The following LRFN5 variants were observed in gnomAD, a reference collection of about 807,000 sequenced individuals.
LRFN5 encodes leucine rich repeat and fibronectin type III domain containing 5, also known as leucine-rich repeat and fibronectin type-III domain-containing protein 5.
In LRFN5, 24 loss-of-function variants were observed where a neutral mutation model predicts 45.6. The ratio of observed to expected loss-of-function variants is 0.53; its 90% CI spans 0.38 to 0.74. The LOEUF (loss-of-function observed/expected upper bound fraction) is 0.74. LRFN5 is among the 30% of genes least tolerant of loss of function. The pLI is 0.00. For missense variants in LRFN5, 776 were observed against 861.5 expected, an observed-to-expected ratio of 0.90 and a Z score of 1.24; for synonymous variants, 340 against 313.8, an observed-to-expected ratio of 1.08 and a Z score of -0.88.
intron 1 of LRFN5, among the ~76,000 whole-genome samples, chr14:41,675,552 A>G (rs1179716621): frequency 6.6e-6 from 1 of 152,178 alleles, no homozygotes; most frequent in Non-Finnish European, 1.5e-5. Flanking sequence ...AGATGGCAGC[A>G]GTACAGTCCA....
intron 1 of LRFN5, among the ~76,000 whole-genome samples, chr14:41,724,574 T>G (rs962718323): frequency 6.6e-6 from 1 of 152,172 alleles, no homozygotes; most frequent in Non-Finnish European, 1.5e-5. Context: ...TAATTAAAAC[T>G]ACAAGGCCAT....
chr14:41,744,319 T>C (rs1194626044), intron 1 of LRFN5, among the ~76,000 whole-genome samples: 7 of 152,078 alleles, frequency 4.6e-5, no homozygotes, highest in Admixed American at 3.9e-4. Flanking sequence ...ATCGTGCCAC[T>C]TCACTCCCAG....
At position 41,886,660 on chromosome 14, in the gene LRFN5, G is replaced by A. The variant is rs773088224; in HGVS notation, c.35G>A (p.Gly12Asp). 11 of 1,600,906 alleles carry A rather than the reference G, an allele frequency of 6.9e-6. No homozygotes were observed. The highest frequency in any genetic ancestry group is 9.3e-6 in the Non-Finnish European group (11 of 1,176,494). The change falls in exon 3 of 6, where the codon GGC becomes GAC. Residue 12 changes from glycine (G) to aspartate (D), a missense_variant. Transcript: ENST00000298119. ...ATTCTTTTTTATCTGTTTCTCATTG[G>A]CATAGCAGTGAAAGCTCAGATCTGT... The part of the protein sequence containing the change: ...EKILFYLFLI[G>D]IAVKAQICPK...
At chr14:41,876,046 C>T (rs1461287919) in intron 2 of LRFN5, among the ~76,000 whole-genome samples, 1 of 152,150 alleles carries the variant, frequency 6.6e-6, no homozygotes, top group Non-Finnish European at 1.5e-5. Context: ...ATATCCCCCT[C>T]TGTAACCTAG....
At chr14:41,714,820 G>T (rs905158753) in intron 1 of LRFN5, among the ~76,000 whole-genome samples, 2 of 152,096 alleles carry the variant, frequency 1.3e-5, no homozygotes, top group Admixed American at 6.6e-5. Flanking sequence ...CAGGAGTGTT[G>T]CTTAAGCATA....
chr14:41,735,534 C>T (rs914668218), intron 1 of LRFN5, among the ~76,000 whole-genome samples: 1 of 152,106 alleles, frequency 6.6e-6, no homozygotes, highest in Non-Finnish European at 1.5e-5. Context: ...AGCCCCCCCA[C>T]GTGCTGGGAT....
intron 1 of LRFN5, among the ~76,000 whole-genome samples, chr14:41,651,746 T>C (rs114286816): frequency 1.0e-3 from 156 of 152,336 alleles, no homozygotes; most frequent in African/African-American, 3.5e-3. Flanking sequence ...TATTCTCAGC[T>C]ATTTTCATTT....
intron 1 of LRFN5, among the ~76,000 whole-genome samples, chr14:41,762,514 T>A (rs1425909536): frequency 2.0e-5 from 3 of 152,114 alleles, no homozygotes; most frequent in Non-Finnish European, 4.4e-5. Flanking sequence ...ACTTTTAAAG[T>A]AGGTTTAGCA....
At chr14:41,888,104 T>TC in intron 3 of LRFN5, 94 bp downstream of exon 3, 1 of 946,560 alleles carries the variant, frequency 1.1e-6, no homozygotes, top group South Asian at 1.7e-5. Context: ...GCAGTGCTGT[T>TC]CTGTGTTGTA....
chr14:41,608,928 A>G (rs958705259), intron 1 of LRFN5, among the ~76,000 whole-genome samples: 1 of 152,172 alleles, frequency 6.6e-6, no homozygotes, highest in Non-Finnish European at 1.5e-5. Context: ...CAGATTGTGA[A>G]GTGTGAGTGG....
intron 4 of LRFN5, 67 bp from the exon 5 acceptor site, chr14:41,898,850 G>A (rs939308444): frequency 1.5e-6 from 2 of 1,376,658 alleles, no homozygotes; most frequent in Non-Finnish European, 2.0e-6. Flanking sequence ...ATTTCAGTAA[G>A]AGGTTTTTTG....
chr14:41,793,139 A>T (rs1311206359), intron 2 of LRFN5, among the ~76,000 whole-genome samples: 4 of 151,902 alleles, frequency 2.6e-5, no homozygotes, highest in Non-Finnish European at 5.9e-5. Flanking sequence ...CCTAAAACTT[A>T]AAGTATAATT....
chr14:41,677,427 A>G (rs2138677171), intron 1 of LRFN5, among the ~76,000 whole-genome samples: 1 of 152,268 alleles, frequency 6.6e-6, no homozygotes, highest in South Asian at 2.1e-4. Flanking sequence ...TGGAATTAGT[A>G]AATAAACATA....
At chr14:41,664,293 C>G (rs1488650814) in intron 1 of LRFN5, among the ~76,000 whole-genome samples, 1 of 151,808 alleles carries the variant, frequency 6.6e-6, no homozygotes, top group Admixed American at 6.6e-5. Flanking sequence ...TCTACTACTT[C>G]CCTAGTTATA....
intron 2 of LRFN5, among the ~76,000 whole-genome samples, chr14:41,823,484 A>C (rs1041316421): frequency 6.6e-6 from 1 of 151,974 alleles, no homozygotes. Flanking sequence ...ATTTCTTCAG[A>C]TTTGTAAGGT....
At chr14:41,773,878 C>T (rs1446416372) in intron 2 of LRFN5, among the ~76,000 whole-genome samples, 1 of 152,144 alleles carries the variant, frequency 6.6e-6, no homozygotes, top group African/African-American at 2.4e-5. Context: ...ATTATAAAAA[C>T]TAGAAAGACA....
chr14:41,775,093 C>CTTTTTCT (rs1308711451), intron 2 of LRFN5, among the ~76,000 whole-genome samples: 1,524 of 112,498 alleles, frequency 0.014, 34 homozygotes, highest in Middle Eastern at 0.056. Context: ...TTTTCTTTTT[C>CTTTTTCT]TTTTTTTTTT....
intron 2 of LRFN5, among the ~76,000 whole-genome samples, chr14:41,863,479 T>G (rs1180316135): frequency 6.6e-6 from 1 of 152,230 alleles, no homozygotes; most frequent in East Asian, 1.9e-4. Flanking sequence ...TTAATCATCA[T>G]TTAATTCAGA....
intron 2 of LRFN5, among the ~76,000 whole-genome samples, chr14:41,827,092 A>G (rs1052085426): frequency 3.9e-5 from 6 of 152,132 alleles, no homozygotes; most frequent in African/African-American, 1.2e-4. Flanking sequence ...TACAACACAT[A>G]TAATTAGAAC....
Sources: allele counts gnomAD v4.1 joint callset (sites outside exome capture counted in the v4.1 genomes callset), GRCh38; gene constraint gnomAD v4.1.1; transcripts MANE v1.5; gene names NCBI Gene and HGNC (gene_info 2026-07-23, HGNC 2026-07-21).